Variants in SLC36A4 observed in about 807,000 individuals in gnomAD.
The protein encoded by SLC36A4 is neutral amino acid uniporter 4.
In SLC36A4, 49 loss-of-function variants were observed where a neutral mutation model predicts 50.5. The ratio of observed to expected loss-of-function variants is 0.97; its 90% CI spans 0.77 to 1.23. The LOEUF (loss-of-function observed/expected upper bound fraction) is 1.23, where lower values mean the gene tolerates loss of function less well. SLC36A4 is among the 50% of genes most tolerant of loss of function. SLC36A4 has a pLI of 0.00. For synonymous variants in SLC36A4, 207 were observed against 206.5 expected, an observed-to-expected ratio of 1.00 and a Z score of -0.02; for missense variants, 611 against 608.4, an observed-to-expected ratio of 1.00 and a Z score of -0.05.
At chr11:93,166,971 CA>C (rs1421409297) in intron 7 of SLC36A4, 2 of 152,176 alleles carry the variant, frequency 1.3e-5, no homozygotes, top group African/African-American at 4.8e-5. Flanking sequence ...GATGCTATTT[CA>C]CTTCTCCCAA....
chr11:93,181,791 A>C lies in SLC36A4; in HGVS notation c.360-5T>G. On this transcript the variant is annotated splice_polypyrimidine_tract_variant and splice_region_variant and intron_variant, in intron 4 of 10. Coordinates refer to ENST00000326402, the MANE Select transcript of SLC36A4 (RefSeq NM_152313.4). ...CCTAATGTTGACTTTTTAAACCTGT[A>C]ATTTAATGACATACATACAAAGGAA... 1 of 1,555,158 alleles carries C rather than the reference A, an allele frequency of 6.4e-7. No individual in the cohort carries two copies. Among genetic ancestry groups the C allele is most frequent in the Non-Finnish European group, 8.7e-7 (1 of 1,147,582 alleles).
intron 8 of SLC36A4, among the ~76,000 whole-genome samples, chr11:93,163,641 T>C (rs1285692477): frequency 6.6e-6 from 1 of 152,164 alleles, no homozygotes; most frequent in African/African-American, 2.4e-5. Flanking sequence ...GGTTTCTCTA[T>C]TGTACAGTTA....
In SLC36A4 at chr11:93,181,472, C is replaced by G. The variant is rs117690468; in HGVS notation, c.455+219G>C. Among the ~76,000 whole-genome samples the G allele has an allele frequency of 1.1e-3, 174 of 152,056 alleles. 1 individual carries two copies. In the East Asian group the frequency reaches 0.032, roughly 28 times the overall value. ...GGTATTACTGTAAACTCATTTCATA[C>G]TGAGAAAAACAAACCACAATGATAA... On this transcript the variant is annotated intron_variant, in intron 5 of 10. Coordinates refer to ENST00000326402, the MANE Select transcript of SLC36A4 (RefSeq NM_152313.4).
chr11:93,164,601 C>A (rs551437047), intron 8 of SLC36A4, among the ~76,000 whole-genome samples: 1 of 152,132 alleles, frequency 6.6e-6, no homozygotes, highest in South Asian at 2.1e-4. Flanking sequence ...AGCAAGAGGG[C>A]AGAGAACAGT....
intron 3 of SLC36A4, among the ~76,000 whole-genome samples, chr11:93,184,199 C>CTT (rs201390148): frequency 6.6e-6 from 1 of 151,560 alleles, no homozygotes. Flanking sequence ...AGGTTTGTGG[C>CTT]TTTTTTTTGG....
At chr11:93,168,345 A>G (rs759424392) in intron 6 of SLC36A4, among the ~76,000 whole-genome samples, 174 bp from the exon 7 acceptor site, 42 of 152,140 alleles carry the variant, frequency 2.8e-4, no homozygotes, top group Non-Finnish European at 4.0e-4. Flanking sequence ...TCCTAGAAAC[A>G]TATGTATCAA....
intron 6 of SLC36A4, chr11:93,171,098 A>C (rs543218937): frequency 2.0e-5 from 3 of 151,598 alleles, no homozygotes; most frequent in South Asian, 2.1e-4. Flanking sequence ...TGACCATCTC[A>C]ACTACTTTCT....
rs1200123872 is a variant in SLC36A4, at chr11:93,146,341, T to A, written c.*2196A>T. On this transcript the variant is annotated 3_prime_UTR_variant, in exon 11 of 11. Transcript: ENST00000326402. ...TATTAAATAATAATTTTCAACTCAT[T>A]TTATATCAAGCTATAAAGTTTTTTA... 6.6e-6 allele frequency: 1 copy of A among 152,004 alleles called. No individual in the cohort carries two copies. Among genetic ancestry groups the A allele is most frequent in the African/African-American group, 2.4e-5 (1 of 41,436 alleles). The allele number at this position is 152,004 out of a possible 1,614,324, so 9.4% of individuals were successfully genotyped here. A position where few individuals can be genotyped will look rare whatever the true frequency, so the allele number is the denominator to read the frequency against.
At chr11:93,186,510 T>C (rs1045105033) in intron 1 of SLC36A4, among the ~76,000 whole-genome samples, 6 of 152,086 alleles carry the variant, frequency 3.9e-5, no homozygotes, top group Admixed American at 1.3e-4. Context: ...TTTAATCATC[T>C]TTTTTTCTTA....
rs551974918 is a variant in SLC36A4, at chr11:93,152,014, A to C, written c.1207+2094T>G. On this transcript the variant is annotated intron_variant, in intron 10 of 10. Transcript: ENST00000326402. ...CGCAGGAGGAGTCTGAATCATTTCTAAAGTTTTTGAATTTCACTAAGAAGA... is the reference window on the plus strand; with the variant it reads ...CGCAGGAGGAGTCTGAATCATTTCTCAAGTTTTTGAATTTCACTAAGAAGA... 74 of 152,182 alleles carry C rather than the reference A, an allele frequency of 4.9e-4. 1 individual carries two copies. Among genetic ancestry groups the C allele is most frequent in the African/African-American group, 1.7e-3 (69 of 41,550 alleles). 9.4% of individuals were successfully genotyped at this position (152,182 alleles called of 1,614,324 possible). A position where few individuals can be genotyped will look rare whatever the true frequency, so the allele number is the denominator to read the frequency against.
At chr11:93,179,360 T>G (rs894276469) in intron 6 of SLC36A4, among the ~76,000 whole-genome samples, 1 of 152,152 alleles carries the variant, frequency 6.6e-6, no homozygotes, top group African/African-American at 2.4e-5. Flanking sequence ...AGGCTTGCTG[T>G]CTAGTGGTGA....
chr11:93,149,029 A>G (rs983855011), intron 10 of SLC36A4, among the ~76,000 whole-genome samples, 185 bp from the exon 11 acceptor site: 1 of 152,094 alleles, frequency 6.6e-6, no homozygotes, highest in Admixed American at 6.6e-5. Flanking sequence ...AGACAGAAAG[A>G]CCAAAATAGT....
intron 8 of SLC36A4, among the ~76,000 whole-genome samples, chr11:93,163,225 G>A (rs895538116): frequency 2.2e-4 from 34 of 151,944 alleles, no homozygotes; most frequent in African/African-American, 6.8e-4. Flanking sequence ...TTTATATTAC[G>A]ATAGTACATT....
intron 9 of SLC36A4, among the ~76,000 whole-genome samples, chr11:93,162,470 G>A (rs1473868693): frequency 6.6e-6 from 1 of 151,938 alleles, no homozygotes; most frequent in African/African-American, 2.4e-5. Context: ...CACCACGCCT[G>A]GCTAATTTTT....
At chr11:93,181,836 G>A (rs370082353) in intron 4 of SLC36A4, 50 bp from the exon 5 acceptor site, 3 of 1,438,818 alleles carry the variant, frequency 2.1e-6, no homozygotes, top group Non-Finnish European at 2.8e-6. Flanking sequence ...ATTTTAAGGT[G>A]GTCCATAAAA....
chr11:93,183,606 C>T (rs1160409667), intron 3 of SLC36A4, among the ~76,000 whole-genome samples: 1 of 151,942 alleles, frequency 6.6e-6, no homozygotes, highest in Non-Finnish European at 1.5e-5. Flanking sequence ...TATCAAGGTT[C>T]TCTGCAATTA....
At chr11:93,155,835 T>C (rs949823612) in intron 9 of SLC36A4, among the ~76,000 whole-genome samples, 11 of 152,176 alleles carry the variant, frequency 7.2e-5, no homozygotes, top group Non-Finnish European at 1.2e-4. Flanking sequence ...TATTTGGTTT[T>C]CTGTTCCCAT....
chr11:93,166,739 G>A (rs1860885112), intron 7 of SLC36A4: 1 of 152,048 alleles, frequency 6.6e-6, no homozygotes, highest in Non-Finnish European at 1.5e-5. Flanking sequence ...TTGCCTGATT[G>A]GAAGCAGAAT....
In SLC36A4 at chr11:93,185,713, G is replaced by C. The variant is rs764211463; in HGVS notation, c.157C>G (p.Leu53Val). 1 of 1,595,038 alleles carries C rather than the reference G, an allele frequency of 6.3e-7. No homozygotes were observed. The highest frequency in any genetic ancestry group is 1.2e-5 in the South Asian group (1 of 86,910). ...TACGAAATGCCCTCTTGATCATCAA[G>C]TTGGTAATGCTTCTGAACAGGCAGA... ...ELLPVQKHYQ[L>V]DDQEGISFVQ... The change falls in exon 2 of 11, where the codon CTT becomes GTT. Residue 53 changes from leucine (L) to valine (V), a missense_variant. Coordinates refer to ENST00000326402, the MANE Select transcript of SLC36A4 (RefSeq NM_152313.4).
Sources: gnomAD v4.1 joint callset for allele counts (sites outside exome capture counted in the v4.1 genomes callset) on GRCh38, gnomAD v4.1.1 for gene constraint, MANE v1.5 for transcripts, NCBI Gene and HGNC (gene_info 2026-07-23, HGNC 2026-07-21) for gene names.